Variants in CUL1 observed in about 807,000 individuals in gnomAD.
The protein encoded by CUL1 is cullin-1.
A neutral mutation model predicts 118.0 loss-of-function variants in CUL1; 24 were observed. That is an observed-to-expected ratio of 0.20 (90% CI 0.15 to 0.29). CUL1 has a LOEUF of 0.29. Ranked by LOEUF, CUL1 falls within the 10% of genes least tolerant of loss-of-function variation. CUL1 has a pLI of 1.00. For missense variants in CUL1, 361 were observed against 933.8 expected, an observed-to-expected ratio of 0.39 and a Z score of 7.99; for synonymous variants, 332 against 340.4, an observed-to-expected ratio of 0.98 and a Z score of 0.27.
chr7:148,751,590 C>A lies in CUL1; in HGVS notation c.141-2386C>A, dbSNP rs371149313. Among the ~76,000 whole-genome samples, 5 of 149,200 alleles carry A rather than the reference C, an allele frequency of 3.4e-5. No individual in the cohort carries two copies. In the South Asian group the frequency reaches 1.1e-3, roughly 32 times the overall value. On this transcript the variant is annotated intron_variant, in intron 2 of 21. Coordinates refer to ENST00000325222, the MANE Select transcript of CUL1 (RefSeq NM_003592.3). ...CACTTTGTCACTTAGTATTTCTGTG[C>A]TCCAAGAAACTTGTACTCAAGGAGA...
In CUL1 at chr7:148,800,689, C is replaced by G; in HGVS notation, c.*107C>G. 1 of 797,776 alleles carries G rather than the reference C, an allele frequency of 1.3e-6. No individual in the cohort carries two copies. Among genetic ancestry groups the G allele is most frequent in the Non-Finnish European group, 2.1e-6 (1 of 483,942 alleles). The allele number at this position is 797,776 out of a possible 1,614,324, so 49.4% of individuals were successfully genotyped here. A position where few individuals can be genotyped will look rare whatever the true frequency, so the allele number is the denominator to read the frequency against. ...GCCAGCCTGCCGCCATTGGACCTCC[C>G]TTTTAAAAACTGAGACCAAGACTCC... is the stretch of plus-strand genomic sequence containing the variant. On this transcript the variant is annotated 3_prime_UTR_variant, in exon 22 of 22. Coordinates refer to ENST00000325222, the MANE Select transcript of CUL1 (RefSeq NM_003592.3). The surrounding 1 kb of genome is among the most constrained non-coding windows in gnomAD (Gnocchi z 4.6).
rs1232470498 is a variant in CUL1, at chr7:148,780,108, C to T, written c.1084-3675C>T. Among the ~76,000 whole-genome samples, 9 of 79,198 alleles carry T rather than the reference C, an allele frequency of 1.1e-4. No individual in the cohort carries two copies. The Admixed American group carries it at 1.3e-3, about 11-fold the overall frequency. The allele number at this position is 79,198 out of a possible 152,430, so 52.0% of individuals were successfully genotyped here. ...ATTGTGTAAGTTAATACTTAATAAA[C>T]TCCCGTATATATATATATCTCCTGT... On this transcript the variant is annotated intron_variant, in intron 9 of 21. Coordinates refer to ENST00000325222, the MANE Select transcript of CUL1 (RefSeq NM_003592.3).
In CUL1 at chr7:148,775,855, G is replaced by GAA. The variant is rs34474266; in HGVS notation, c.1084-7914_1084-7913dup. ...ACAGTGAATCATTAAAATACCACCA[G>GAA]AAAAAAAAAAAAAAAGGTTTGATTT... On this transcript the variant is annotated intron_variant, in intron 9 of 21. Transcript: ENST00000325222. Among the ~76,000 whole-genome samples, 284 of 132,298 alleles carry GAA rather than the reference G, an allele frequency of 2.1e-3. 1 individual carries two copies. Among genetic ancestry groups the GAA allele is most frequent in the South Asian group, 9.2e-3 (37 of 4,022 alleles). 86.8% of individuals were successfully genotyped at this position (132,298 alleles called of 152,430 possible). A position where few individuals can be genotyped will look rare whatever the true frequency, so the allele number is the denominator to read the frequency against.
chr7:148,746,825 G>C (rs537134382), intron 2 of CUL1, among the ~76,000 whole-genome samples: 1 of 152,118 alleles, frequency 6.6e-6, no homozygotes, highest in Non-Finnish European at 1.5e-5. Context: ...TACATGTTAC[G>C]ATTGATGTCT....
chr7:148,797,883 AC>A (rs1563172646), intron 18 of CUL1, 24 bp downstream of exon 18: 7 of 1,611,510 alleles, frequency 4.3e-6, no homozygotes, highest in Non-Finnish European at 5.9e-6. Context: ...CTTTTATCTT[AC>A]ACTAGAAGAA....
Position 148,787,762 on chromosome 7 carries a change from G to T in CUL1, c.1479+642G>T, listed in dbSNP as rs1486740444. ...TGTGCTGGCCTGGAGCTGAGTGGAGGTTTTGTTTGCTCTGGGCTTGGTTAC... is the reference window on the plus strand; with the variant it reads ...TGTGCTGGCCTGGAGCTGAGTGGAGTTTTTGTTTGCTCTGGGCTTGGTTAC... On this transcript the variant is annotated intron_variant, in intron 13 of 21. Coordinates refer to ENST00000325222, the MANE Select transcript of CUL1 (RefSeq NM_003592.3). This position sits in a 1 kb window ranked among gnomAD's most constrained non-coding sequence, Gnocchi z 5.5. Among the ~76,000 whole-genome samples the T allele has an allele frequency of 6.6e-6, 1 of 152,188 alleles. No individual in the cohort carries two copies. The highest frequency in any genetic ancestry group is 2.4e-5 in the African/African-American group (1 of 41,446).
intron 1 of CUL1, among the ~76,000 whole-genome samples, chr7:148,712,030 G>A (rs1484167578): frequency 1.3e-5 from 2 of 152,138 alleles, no homozygotes; most frequent in Admixed American, 6.5e-5. Context: ...GTTTCCCTGG[G>A]GCACCACTTC....
intron 9 of CUL1, among the ~76,000 whole-genome samples, chr7:148,778,097 A>AAAAAAAAAAAAAAAAAAAAAAAC (rs1800474885): frequency 1.7e-5 from 1 of 58,384 alleles, no homozygotes; most frequent in African/African-American, 8.4e-5. Flanking sequence ...AAAAAAAAAA[A>AAAAAAAAAAAAAAAAAAAAAAAC]GAAGAAGAAG....
chr7:148,776,229 C>A (rs181287308), intron 9 of CUL1, among the ~76,000 whole-genome samples: 1 of 150,294 alleles, frequency 6.7e-6, no homozygotes, highest in East Asian at 2.0e-4. Flanking sequence ...GTCCAGGACG[C>A]CATGAGACGA....
rs138579840 is a variant in CUL1, at chr7:148,731,431, C to T, written c.140+1169C>T. Among the ~76,000 whole-genome samples, 836 of 152,248 alleles carry T rather than the reference C, an allele frequency of 5.5e-3. 7 individuals carry two copies. The highest frequency in any genetic ancestry group is 0.018 in the African/African-American group (754 of 41,546). ...AAAAAAAATTTAAGTAGATATAAAA[C>T]TATGTCAATCTCTGAATTAGCATAA... On this transcript the variant is annotated intron_variant, in intron 2 of 21. Transcript: ENST00000325222.
intron 1 of CUL1, among the ~76,000 whole-genome samples, chr7:148,721,633 C>T (rs548510269): frequency 3.3e-5 from 5 of 152,074 alleles, no homozygotes; most frequent in Admixed American, 6.5e-5. Flanking sequence ...CCATTCATGT[C>T]GGGGAGAGCT....
rs151180791 is a variant in CUL1, at chr7:148,734,636, A to C, written c.140+4374A>C. On this transcript the variant is annotated intron_variant, in intron 2 of 21. Coordinates refer to ENST00000325222, the MANE Select transcript of CUL1 (RefSeq NM_003592.3). The stretch of plus-strand genomic sequence containing the variant: ...CTTTCCTTTTGAATTTGAAATAGGT[A>C]TTGGCATTTCTTATTCAATTTATTG... Among the ~76,000 whole-genome samples the C allele has an allele frequency of 6.8e-3, 1,038 of 152,306 alleles. 5 individuals are homozygous for C. Among genetic ancestry groups the C allele is most frequent in the Non-Finnish European group, 0.012 (793 of 68,010 alleles).
chr7:148,719,789 G>T (rs932937957), intron 1 of CUL1, among the ~76,000 whole-genome samples: 2 of 152,218 alleles, frequency 1.3e-5, no homozygotes, highest in African/African-American at 4.8e-5. Context: ...GTTTGGACGT[G>T]TCATTACGTA....
At chr7:148,788,412 G>A (rs1800891888) in intron 13 of CUL1, 145 bp from the exon 14 acceptor site, 1 of 603,910 alleles carries the variant, frequency 1.7e-6, no homozygotes, top group Non-Finnish European at 2.9e-6. Context: ...TATTTGTACT[G>A]TAAAATATAG....
At chr7:148,766,751 G>T in intron 8 of CUL1, 28 bp downstream of exon 8, 1 of 1,582,366 alleles carries the variant, frequency 6.3e-7, no homozygotes, top group Admixed American at 1.8e-5. Context: ...TAAAATGTAG[G>T]TATTTATAAT....
At chr7:148,708,913 A>T (rs1797967743) in intron 1 of CUL1, among the ~76,000 whole-genome samples, 1 of 152,240 alleles carries the variant, frequency 6.6e-6, no homozygotes, top group African/African-American at 2.4e-5. Context: ...TTTTCTATTG[A>T]TAAGGCTAAC....
At chr7:148,795,521 C>G (rs1393244590) in intron 17 of CUL1, among the ~76,000 whole-genome samples, 4 of 151,980 alleles carry the variant, frequency 2.6e-5, no homozygotes, top group Admixed American at 2.6e-4. Flanking sequence ...AATCCCAGCA[C>G]TTTGGGAGCC....
In CUL1 at chr7:148,800,770, CTG is replaced by C. The variant is rs1334838940; in HGVS notation, c.*190_*191del. ...TGCTCAGGATTGATACATTTCAAGT[CTG>C]TAAATACGGACACCAACGCCATTTA... On this transcript the variant is annotated 3_prime_UTR_variant, in exon 22 of 22. Coordinates refer to ENST00000325222, the MANE Select transcript of CUL1 (RefSeq NM_003592.3). The surrounding 1 kb of genome is among the most constrained non-coding windows in gnomAD (Gnocchi z 4.6). 5 of 547,218 alleles carry C rather than the reference CTG, an allele frequency of 9.1e-6. No homozygotes were observed. The highest frequency in any genetic ancestry group is 3.8e-5 in the African/African-American group (2 of 52,018). The allele number at this position is 547,218 out of a possible 1,614,324, so 33.9% of individuals were successfully genotyped here.
chr7:148,792,877 A>G, intron 17 of CUL1, 59 bp downstream of exon 17: 1 of 1,248,186 alleles, frequency 8.0e-7, no homozygotes, highest in Non-Finnish European at 1.2e-6. Context: ...TCTCGTGGAT[A>G]TTGTTAGGAA....
Sources: gnomAD v4.1 joint callset for allele counts (sites outside exome capture counted in the v4.1 genomes callset) on GRCh38, gnomAD v4.1.1 for gene constraint, Gnocchi (gnomAD v3.1) non-coding constraint, MANE v1.5 for transcripts, NCBI Gene and HGNC (gene_info 2026-07-23, HGNC 2026-07-21) for gene names.